TECTA: variants seen among roughly 807,000 people sequenced by gnomAD.
The protein encoded by TECTA is alpha-tectorin.
Under a neutral mutation model 216.8 loss-of-function variants are expected in TECTA, and 128 were observed. That is an observed-to-expected ratio of 0.59 (90% confidence interval 0.51 to 0.68). The LOEUF is 0.68. Among genes scored for constraint, TECTA ranks in the 30% least tolerant of loss-of-function variants. The pLI, the probability that TECTA is intolerant of heterozygous loss-of-function variation, is 0.00. For synonymous variants in TECTA, 1,089 were observed against 1,117.1 expected (o/e 0.97, Z 0.50); for missense variants, 2,551 against 2,786.2 (o/e 0.92, Z 1.90).
intron 11 of TECTA, among the ~76,000 whole-genome samples, chr11:121,142,156 A>C (rs975735939): frequency 8.5e-5 from 13 of 152,312 alleles, no homozygotes; most frequent in African/African-American, 3.1e-4. Flanking sequence ...GAACTAGGTC[A>C]AGGTCTGTTG....
intron 3 of TECTA, among the ~76,000 whole-genome samples, chr11:121,108,258 C>T (rs1274509037): frequency 6.6e-6 from 1 of 151,870 alleles, no homozygotes; most frequent in Non-Finnish European, 1.5e-5. Flanking sequence ...TGGCCCAGCA[C>T]ATACACGCAT....
At chr11:121,136,084 G>C (rs902025580) in intron 10 of TECTA, among the ~76,000 whole-genome samples, 1 of 151,818 alleles carries the variant, frequency 6.6e-6, no homozygotes, top group South Asian at 2.1e-4. Context: ...TCAGCCTCCC[G>C]AGTAGCTTAG....
In TECTA at chr11:121,168,685, A is replaced by C. The variant is rs758765264; in HGVS notation, c.5759A>C (p.Asn1920Thr). Residue 1920 changes from asparagine (N) to threonine (T), a missense_variant, in exon 20 of 24, where the codon AAC becomes ACC. Coordinates refer to ENST00000392793, the MANE Select transcript of TECTA (RefSeq NM_005422.4). ...SVVKPMLSVINLTVPTQEGSF... is the reference protein window; with the variant it reads ...SVVKPMLSVITLTVPTQEGSF... ...AATTGTTTCCGTTTTAGTGTAATTA[A>C]CCTGACAGTTCCAACCCAAGAAGGC... 1.2e-6 allele frequency: 2 copies of C among 1,614,146 alleles called. No individual in the cohort carries two copies. Among genetic ancestry groups the C allele is most frequent in the Non-Finnish European group, 1.7e-6 (2 of 1,179,996 alleles).
At position 121,162,169 on chromosome 11, in the gene TECTA, T is replaced by C. The variant is rs1207757830; in HGVS notation, c.5071T>C (p.Cys1691Arg). The C allele has an allele frequency of 1.9e-6, 3 of 1,614,214 alleles. No individual in the cohort carries two copies. In the South Asian group the frequency reaches 3.3e-5, roughly 18 times the overall value. Residue 1691 changes from cysteine to arginine, a missense_variant, in exon 16 of 24, where the codon TGC becomes CGC. Physicochemically the swap from Cys to Arg is radical, Grantham distance 180 (BLOSUM62 -3). Around this residue, in one of 3 missense-constraint regions of TECTA, gnomAD observed 2,375 missense variants for 2,563.9 expected, o/e 0.93. Transcript: ENST00000392793. ...CCAGAAGATGCAGGGTGATGGCTAC[T>C]GCCTGAAGCTCACCGACATGAAGGG... ...HIQKMQGDGY[C>R]LKLTDMKGFF...
chr11:121,173,101 A>G (rs1299854136), intron 20 of TECTA, among the ~76,000 whole-genome samples: 1 of 152,108 alleles, frequency 6.6e-6, no homozygotes, highest in Non-Finnish European at 1.5e-5. Context: ...CCTTTGTCAG[A>G]TGAGTAGGTT....
At chr11:121,129,012 G>A (rs889537812) in intron 9 of TECTA, among the ~76,000 whole-genome samples, 4 of 152,210 alleles carry the variant, frequency 2.6e-5, no homozygotes, top group African/African-American at 4.8e-5. Context: ...GTTGCAGAAC[G>A]GGGATGCAAC....
At chr11:121,136,479 G>A (rs919502049) in intron 10 of TECTA, among the ~76,000 whole-genome samples, 1 of 152,058 alleles carries the variant, frequency 6.6e-6, no homozygotes, top group Admixed American at 6.5e-5. Context: ...AAAGACAAAG[G>A]GAGAGTCTAC....
chr11:121,105,718 C>G lies in TECTA; in HGVS notation c.65-113C>G. 1 of 1,366,834 alleles carries G rather than the reference C, an allele frequency of 7.3e-7. No individual in the cohort carries two copies. The highest frequency in any genetic ancestry group is 1.0e-6 in the Non-Finnish European group (1 of 982,142). The allele number at this position is 1,366,834 out of a possible 1,614,324, so 84.7% of individuals were successfully genotyped here. On this transcript the variant is annotated intron_variant, in intron 2 of 23. Transcript: ENST00000392793. This position sits in a 1 kb window ranked among gnomAD's most constrained non-coding sequence, Gnocchi z 5.3. ...ATGAATGACAGGGCAGTATGACTTG[C>G]ATTCAGCTTGCAAGCCCTACTGAAA...
chr11:121,165,501 G>A (rs56088852), intron 17 of TECTA, 118 bp downstream of exon 17: 14 of 787,402 alleles, frequency 1.8e-5, no homozygotes, highest in Non-Finnish European at 2.5e-5. Context: ...GCTTTCAGGA[G>A]CATTTAAGCA....
chr11:121,117,223 A>T (rs1946509669), intron 6 of TECTA, among the ~76,000 whole-genome samples: 1 of 152,182 alleles, frequency 6.6e-6, no homozygotes, highest in South Asian at 2.1e-4. Flanking sequence ...CTTTTTTATA[A>T]CATCGCTGTT....
Position 121,105,725 on chromosome 11 carries a change from C to T in TECTA, c.65-106C>T. 6.9e-7 allele frequency: 1 copy of T among 1,455,718 alleles called. No homozygotes were observed. Among genetic ancestry groups the T allele is most frequent in the African/African-American group, 1.4e-5 (1 of 72,026 alleles). The allele number at this position is 1,455,718 out of a possible 1,614,324, so 90.2% of individuals were successfully genotyped here. On this transcript the variant is annotated intron_variant, in intron 2 of 23. Coordinates refer to ENST00000392793, the MANE Select transcript of TECTA (RefSeq NM_005422.4). This position sits in a 1 kb window ranked among gnomAD's most constrained non-coding sequence, Gnocchi z 5.3. Reference sequence around the variant, plus strand: ...ACAGGGCAGTATGACTTGCATTCAGCTTGCAAGCCCTACTGAAAGAAGCTG... The same window carrying T: ...ACAGGGCAGTATGACTTGCATTCAGTTTGCAAGCCCTACTGAAAGAAGCTG...
intron 20 of TECTA, among the ~76,000 whole-genome samples, chr11:121,176,861 G>T (rs1003046874): frequency 2.6e-5 from 4 of 152,076 alleles, no homozygotes; most frequent in African/African-American, 9.7e-5. Context: ...TTTCTTGGAG[G>T]CTTTGTTCAT....
At chr11:121,139,358 G>T (rs932663672) in intron 11 of TECTA, among the ~76,000 whole-genome samples, 1 of 152,114 alleles carries the variant, frequency 6.6e-6, no homozygotes, top group African/African-American at 2.4e-5. Context: ...TGAATGAATG[G>T]GCAGCCCCCT....
chr11:121,143,127 G>C (rs1454934070), intron 11 of TECTA, among the ~76,000 whole-genome samples: 4 of 152,148 alleles, frequency 2.6e-5, no homozygotes, highest in African/African-American at 9.7e-5. Context: ...TAAGATTGCT[G>C]ATGTTTTTGT....
intron 4 of TECTA, chr11:121,110,487 C>G (rs999352050): frequency 6.6e-6 from 1 of 152,210 alleles, no homozygotes; most frequent in African/African-American, 2.4e-5. Context: ...TTAGCACCTC[C>G]TAGCCAGAGC....
intron 3 of TECTA, among the ~76,000 whole-genome samples, chr11:121,107,549 T>G (rs1233596829): frequency 1.3e-5 from 2 of 152,240 alleles, no homozygotes; most frequent in Non-Finnish European, 2.9e-5. Flanking sequence ...ATGTCCATAA[T>G]GTTACTGGTT....
At chr11:121,116,090 C>G (rs551865274) in intron 6 of TECTA, among the ~76,000 whole-genome samples, 61 of 152,324 alleles carry the variant, frequency 4.0e-4, no homozygotes, top group Non-Finnish European at 7.1e-4. Flanking sequence ...TGCCTGGACC[C>G]TTGCCTCTGT....
chr11:121,153,022 G>T lies in TECTA; in HGVS notation c.4247G>T (p.Gly1416Val). 6.2e-7 allele frequency: 1 copy of T among 1,614,128 alleles called. No individual in the cohort carries two copies. Among genetic ancestry groups the T allele is most frequent in the Non-Finnish European group, 8.5e-7 (1 of 1,180,036 alleles). ...CHCDAGYVLN[G>V]KSCILPHSCG... ...TGCGACGCTGGCTACGTCCTCAACG[G>T]CAAGAGCTGCATCCTGCCCCACAGC... Residue 1416 changes from glycine to valine, a missense_variant, in exon 13 of 24, where the codon GGC (glycine) becomes GTC (valine). Physicochemically the swap from Gly to Val is moderately radical, Grantham distance 109. Around this residue, in one of 3 missense-constraint regions of TECTA, gnomAD observed 2,375 missense variants for 2,563.9 expected, o/e 0.93. Transcript: ENST00000392793.
chr11:121,129,140 C>T (rs1301842404), intron 9 of TECTA, among the ~76,000 whole-genome samples: 1 of 152,136 alleles, frequency 6.6e-6, no homozygotes, highest in Non-Finnish European at 1.5e-5. Context: ...ATTCTCATTG[C>T]CACATTGGCA....
Sources: allele counts gnomAD v4.1 joint callset (sites outside exome capture counted in the v4.1 genomes callset), GRCh38; gene constraint gnomAD v4.1.1; regional missense constraint gnomAD v4.1.1; non-coding constraint Gnocchi (gnomAD v3.1); transcripts MANE v1.5; gene names NCBI Gene and HGNC (gene_info 2026-07-23, HGNC 2026-07-21).